The following ATRNL1 variants were observed in gnomAD, a reference collection of about 807,000 sequenced individuals.
The protein encoded by ATRNL1 is attractin-like protein 1.
In ATRNL1, 95 loss-of-function variants were observed where a neutral mutation model predicts 182.7. The observed-to-expected ratio is 0.52, with a 90% CI of 0.44 to 0.62. The LOEUF (loss-of-function observed/expected upper bound fraction) is 0.62. ATRNL1 is among the 20% of genes least tolerant of loss of function. The pLI is 0.00. For synonymous variants in ATRNL1, 576 were observed against 568.3 expected, an observed-to-expected ratio of 1.01 and a Z score of -0.19; for missense variants, 1,471 against 1,679.5, an observed-to-expected ratio of 0.88 and a Z score of 2.17.
intron 2 of ATRNL1, 57 bp from the exon 3 acceptor site, chr10:115,121,642 T>C: frequency 1.5e-6 from 1 of 652,028 alleles, no homozygotes; most frequent in South Asian, 3.0e-5. Flanking sequence ...ATTATGTATT[T>C]ATTCACTCTG....
At chr10:115,237,063 T>G (rs1554901603) in intron 9 of ATRNL1, among the ~76,000 whole-genome samples, 1 of 152,224 alleles carries the variant, frequency 6.6e-6, no homozygotes, top group Non-Finnish European at 1.5e-5. Flanking sequence ...CCTTTATGTC[T>G]CTTCATGACA....
At chr10:115,914,880 T>A (rs1462439353) in intron 28 of ATRNL1, among the ~76,000 whole-genome samples, 4 of 152,110 alleles carry the variant, frequency 2.6e-5, no homozygotes, top group African/African-American at 9.7e-5. Flanking sequence ...TCTAAACTAT[T>A]TGTAACAAAA....
In ATRNL1 at chr10:115,526,383, G is replaced by A. The variant is rs1176148349; in HGVS notation, c.3716+7059G>A. ...GGCTCTTTTATTTAGCCAGTAAATG[G>A]TTTGTTAATGGCCTTCAGTCTCTCA... On this transcript the variant is annotated intron_variant, in intron 25 of 28. Coordinates refer to ENST00000355044, the MANE Select transcript of ATRNL1 (RefSeq NM_207303.4). 2.0e-5 allele frequency among the ~76,000 whole-genome samples: 3 copies of A among 152,268 alleles called. No homozygotes were observed. In the East Asian group the frequency reaches 5.8e-4, roughly 29 times the overall value.
intron 26 of ATRNL1, among the ~76,000 whole-genome samples, chr10:115,707,327 A>C (rs1475974663): frequency 6.6e-6 from 1 of 151,824 alleles, no homozygotes; most frequent in African/African-American, 2.4e-5. Flanking sequence ...TATTTAAGTA[A>C]GTTAAAATTC....
chr10:115,383,843 T>G (rs1362456719), intron 19 of ATRNL1, among the ~76,000 whole-genome samples: 4 of 152,030 alleles, frequency 2.6e-5, no homozygotes, highest in African/African-American at 9.6e-5. Context: ...TAAAATTTAG[T>G]TACCTTTTCC....
chr10:115,624,911 C>G (rs1555024182), intron 26 of ATRNL1, among the ~76,000 whole-genome samples: 1 of 151,890 alleles, frequency 6.6e-6, no homozygotes. Context: ...AATTTGTAAC[C>G]AGAACTACTT....
intron 25 of ATRNL1, among the ~76,000 whole-genome samples, chr10:115,534,080 G>C (rs1246772834): frequency 1.5e-4 from 23 of 152,048 alleles, no homozygotes; most frequent in African/African-American, 5.3e-4. Context: ...TGTATATTCT[G>C]TGGATTTGGG....
chr10:115,690,586 A>C (rs1359754862), intron 26 of ATRNL1, among the ~76,000 whole-genome samples: 1 of 152,140 alleles, frequency 6.6e-6, no homozygotes, highest in Non-Finnish European at 1.5e-5. Flanking sequence ...ACTGGGGACT[A>C]TGCAGAATCT....
At chr10:115,769,139 G>C (rs1948926500) in intron 27 of ATRNL1, among the ~76,000 whole-genome samples, 1 of 152,060 alleles carries the variant, frequency 6.6e-6, no homozygotes, top group Admixed American at 6.5e-5. Context: ...GAAATTATTT[G>C]TTCAACCATG....
chr10:115,666,841 A>G (rs2133918132), intron 26 of ATRNL1, among the ~76,000 whole-genome samples: 1 of 152,228 alleles, frequency 6.6e-6, no homozygotes, highest in Admixed American at 6.5e-5. Flanking sequence ...TCACAAGACT[A>G]GTCTGTAGAA....
chr10:115,893,084 G>C (rs1019876348), intron 28 of ATRNL1, among the ~76,000 whole-genome samples: 1 of 152,154 alleles, frequency 6.6e-6, no homozygotes, highest in African/African-American at 2.4e-5. Context: ...GGAAAATAAA[G>C]AATGTGTAGA....
At chr10:115,546,919 T>G (rs1402246989) in intron 25 of ATRNL1, among the ~76,000 whole-genome samples, 2 of 152,098 alleles carry the variant, frequency 1.3e-5, no homozygotes, top group African/African-American at 2.4e-5. Context: ...GCAGACTGAT[T>G]TTGTTTAACC....
At chr10:115,355,753 A>AT (rs1249987536) in intron 19 of ATRNL1, among the ~76,000 whole-genome samples, 17 of 151,662 alleles carry the variant, frequency 1.1e-4, no homozygotes, top group Admixed American at 6.6e-4. Flanking sequence ...TTATGAATAC[A>AT]TTTTTTTCCT....
intron 26 of ATRNL1, among the ~76,000 whole-genome samples, chr10:115,592,515 C>A (rs2804205): frequency 6.6e-6 from 1 of 151,946 alleles, no homozygotes; most frequent in African/African-American, 2.4e-5. Flanking sequence ...ATTAGCAGAC[C>A]CACGCAGCTC....
In ATRNL1 at chr10:115,097,919, G is replaced by A. The variant is rs548604586; in HGVS notation, c.293+3876G>A. Among the ~76,000 whole-genome samples, 4 of 152,142 alleles carry A rather than the reference G, an allele frequency of 2.6e-5. No individual in the cohort carries two copies. In the South Asian group the frequency reaches 8.3e-4, roughly 32 times the overall value. ...AGCCTGGGCAACAGAGCGAGACTCC[G>A]TCTCAAAACAAAACAAAAATAAACA... is the stretch of plus-strand genomic sequence containing the variant. On this transcript the variant is annotated intron_variant, in intron 1 of 28. Transcript: ENST00000355044.
intron 21 of ATRNL1, among the ~76,000 whole-genome samples, chr10:115,426,732 T>C (rs1289644539): frequency 6.6e-6 from 1 of 152,156 alleles, no homozygotes; most frequent in Non-Finnish European, 1.5e-5. Context: ...TAACTTTTGT[T>C]TTGTTTTCTG....
intron 25 of ATRNL1, among the ~76,000 whole-genome samples, chr10:115,537,133 C>A (rs1398734534): frequency 6.6e-6 from 1 of 152,102 alleles, no homozygotes. Context: ...TACTTAGGAC[C>A]TAACTGTTCT....
intron 21 of ATRNL1, among the ~76,000 whole-genome samples, chr10:115,443,635 CT>C (rs1297873579): frequency 4.0e-5 from 6 of 151,648 alleles, no homozygotes; most frequent in African/African-American, 1.5e-4. Context: ...TTTTGAAATT[CT>C]TTTATAAAAC....
At chr10:115,834,075 A>G (rs1197402603) in intron 27 of ATRNL1, among the ~76,000 whole-genome samples, 1 of 152,142 alleles carries the variant, frequency 6.6e-6, no homozygotes, top group Non-Finnish European at 1.5e-5. Flanking sequence ...CTGTCTTTCT[A>G]TCTACAGTTA....
Sources: gnomAD v4.1 joint callset for allele counts (sites outside exome capture counted in the v4.1 genomes callset) on GRCh38, gnomAD v4.1.1 for gene constraint, MANE v1.5 for transcripts, NCBI Gene and HGNC (gene_info 2026-07-23, HGNC 2026-07-21) for gene names.